Variants in PRKN observed in about 807,000 individuals in gnomAD.
PRKN encodes parkin RBR E3 ubiquitin protein ligase.
In PRKN, 56 loss-of-function variants were observed where a neutral mutation model predicts 59.5. The observed-to-expected ratio is 0.94, with a 90% CI of 0.76 to 1.18. The LOEUF is 1.18. PRKN is among the 50% of genes most tolerant of loss of function. The probability of loss-of-function intolerance (pLI) is 0.00; values close to 1 mark genes in which losing one functional copy is unlikely to be tolerated. For missense variants in PRKN, 657 were observed against 596.4 expected (o/e 1.10, Z -1.06); for synonymous variants, 250 against 222.1 (o/e 1.13, Z -1.12).
intron 1 of PRKN, among the ~76,000 whole-genome samples, chr6:162,700,441 G>A (rs1333778288): frequency 2.6e-5 from 4 of 152,098 alleles, no homozygotes; most frequent in African/African-American, 7.2e-5. Context: ...GTGAAGTAGC[G>A]AAGGCTTTGA....
At chr6:161,614,392 A>G (rs1485326015) in intron 7 of PRKN, among the ~76,000 whole-genome samples, 1 of 152,218 alleles carries the variant, frequency 6.6e-6, no homozygotes, top group Non-Finnish European at 1.5e-5. Flanking sequence ...CAACAACAAC[A>G]AAGAGAAACA....
chr6:162,186,215 A>C (rs2128324739), intron 4 of PRKN, among the ~76,000 whole-genome samples: 1 of 152,318 alleles, frequency 6.6e-6, no homozygotes, highest in South Asian at 2.1e-4. Flanking sequence ...GTTTCAATTA[A>C]AGCCAGATAC....
chr6:161,850,570 G>A (rs1421252327), intron 6 of PRKN, among the ~76,000 whole-genome samples: 3 of 77,564 alleles, frequency 3.9e-5, no homozygotes, highest in Non-Finnish European at 6.3e-5. Context: ...GCGAGACTAC[G>A]TCTCAAAAAA....
rs543711364 is a variant in PRKN, at chr6:161,410,782, G to A, written c.1084-23905C>T. ...TGCTCATGACAACGGCACGCCAAGG[G>A]GCTTGATGGCAGCAGCCTCAGGTAT... is the stretch of plus-strand genomic sequence containing the variant. On this transcript the variant is annotated intron_variant, in intron 9 of 11. Coordinates refer to ENST00000366898, the MANE Select transcript of PRKN (RefSeq NM_004562.3). The surrounding 1 kb of genome is among the most constrained non-coding windows in gnomAD (Gnocchi z 5.3). Among the ~76,000 whole-genome samples the A allele has an allele frequency of 2.6e-5, 4 of 152,226 alleles. No homozygotes were observed. The highest frequency in any genetic ancestry group is 3.9e-4 in the East Asian group (2 of 5,170).
At position 161,459,076 on chromosome 6, in the gene PRKN, G is replaced by A. The variant is rs933155755; in HGVS notation, c.1084-72199C>T. Among the ~76,000 whole-genome samples the A allele has an allele frequency of 1.3e-5, 2 of 152,204 alleles. No individual in the cohort carries two copies. The highest frequency in any genetic ancestry group is 4.8e-5 in the African/African-American group (2 of 41,460). ...CTACAAGCACTTCCTTCCTCAGAGA[G>A]TGTCTGCTGACAGCCAGGGCCTTGT... On this transcript the variant is annotated intron_variant, in intron 9 of 11. Coordinates refer to ENST00000366898, the MANE Select transcript of PRKN (RefSeq NM_004562.3). This position sits in a 1 kb window ranked among gnomAD's most constrained non-coding sequence, Gnocchi z 4.8.
At chr6:161,426,824 T>G (rs891043488) in intron 9 of PRKN, among the ~76,000 whole-genome samples, 4 of 152,168 alleles carry the variant, frequency 2.6e-5, no homozygotes, top group Non-Finnish European at 5.9e-5. Flanking sequence ...GTTCATGCCA[T>G]TCTCCTGCCT....
Position 162,208,439 on chromosome 6 carries a change from C to T in PRKN, c.413-7187G>A, listed in dbSNP as rs199745398. Among the ~76,000 whole-genome samples the T allele has an allele frequency of 5.9e-5, 9 of 152,158 alleles. No individual in the cohort carries two copies. The East Asian group carries it at 1.3e-3, about 23-fold the overall frequency. On this transcript the variant is annotated intron_variant, in intron 3 of 11. Transcript: ENST00000366898. ...AATTTTTGCTGGGGTTTTAAATTAACGTATCTGCACAATAATTTGACCTAC... is the reference window on the plus strand; with the variant it reads ...AATTTTTGCTGGGGTTTTAAATTAATGTATCTGCACAATAATTTGACCTAC...
chr6:162,442,985 A>G (rs1477941004), intron 2 of PRKN, among the ~76,000 whole-genome samples: 2 of 152,168 alleles, frequency 1.3e-5, no homozygotes, highest in African/African-American at 2.4e-5. Context: ...TTCAAATGGA[A>G]TAAGTAAGGT....
intron 2 of PRKN, among the ~76,000 whole-genome samples, chr6:162,430,469 G>T (rs1286916036): frequency 1.3e-5 from 2 of 152,154 alleles, no homozygotes; most frequent in African/African-American, 2.4e-5. Context: ...CTGAAAGATT[G>T]TTGGGAGCAG....
At chr6:161,798,911 C>A (rs1790964644) in intron 6 of PRKN, among the ~76,000 whole-genome samples, 1 of 152,124 alleles carries the variant, frequency 6.6e-6, no homozygotes. Flanking sequence ...GTGCTCGGGG[C>A]TCCCCCACAC....
intron 6 of PRKN, among the ~76,000 whole-genome samples, chr6:161,922,367 G>T (rs890902928): frequency 1.3e-5 from 2 of 152,046 alleles, no homozygotes; most frequent in Non-Finnish European, 2.9e-5. Flanking sequence ...AGGTTCCATT[G>T]TTTTGCCCTG....
chr6:162,017,816 G>A (rs1007281933), intron 5 of PRKN, among the ~76,000 whole-genome samples: 2 of 151,952 alleles, frequency 1.3e-5, no homozygotes, highest in East Asian at 1.9e-4. Context: ...GTCACTTAGC[G>A]TTTCTATTTC....
intron 4 of PRKN, among the ~76,000 whole-genome samples, chr6:162,081,312 T>G (rs1250038436): frequency 6.6e-6 from 1 of 152,134 alleles, no homozygotes; most frequent in East Asian, 1.9e-4. Flanking sequence ...TTTAGTGATC[T>G]ATGAGAGCTA....
chr6:161,546,183 A>C lies in PRKN; in HGVS notation c.1083+2671T>G, dbSNP rs565333872. Among the ~76,000 whole-genome samples, 1 of 152,200 alleles carries C rather than the reference A, an allele frequency of 6.6e-6. No homozygotes were observed. Among genetic ancestry groups the C allele is most frequent in the African/African-American group, 2.4e-5 (1 of 41,534 alleles). ...TAAATATTAAATAAATCTGCACTTA[A>C]CTCTGTGCCAGGAACTATTCTAAGT... On this transcript the variant is annotated intron_variant, in intron 9 of 11. Transcript: ENST00000366898. This position sits in a 1 kb window ranked among gnomAD's most constrained non-coding sequence, Gnocchi z 4.4.
chr6:161,884,652 A>C (rs1583297677), intron 6 of PRKN, among the ~76,000 whole-genome samples: 1 of 152,286 alleles, frequency 6.6e-6, no homozygotes, highest in Middle Eastern at 3.4e-3. Flanking sequence ...ATTTTGTTGA[A>C]ATAGTAAATC....
intron 5 of PRKN, among the ~76,000 whole-genome samples, chr6:162,039,577 G>A (rs967746166): frequency 6.6e-6 from 1 of 152,220 alleles, no homozygotes; most frequent in Non-Finnish European, 1.5e-5. Context: ...CTTCCACCAT[G>A]AGTGGCAGCG....
chr6:162,646,456 AT>A (rs1398101614), intron 1 of PRKN, among the ~76,000 whole-genome samples: 6 of 151,594 alleles, frequency 4.0e-5, no homozygotes, highest in African/African-American at 7.3e-5. Context: ...TATTATAAAA[AT>A]TTTTTTGTAG....
intron 7 of PRKN, among the ~76,000 whole-genome samples, chr6:161,721,645 C>T (rs1445569206): frequency 6.6e-6 from 1 of 152,226 alleles, no homozygotes; most frequent in Non-Finnish European, 1.5e-5. Flanking sequence ...CTGTTCAGGG[C>T]CCTCTTTGGT....
intron 9 of PRKN, among the ~76,000 whole-genome samples, chr6:161,452,432 A>G (rs1789779036): frequency 6.6e-6 from 1 of 152,202 alleles, no homozygotes; most frequent in South Asian, 2.1e-4. Context: ...AGCCTCAGTC[A>G]ATTACTCAAT....
Sources: gnomAD v4.1 joint callset for allele counts (sites outside exome capture counted in the v4.1 genomes callset) on GRCh38, gnomAD v4.1.1 for gene constraint, Gnocchi (gnomAD v3.1) non-coding constraint, MANE v1.5 for transcripts, NCBI Gene and HGNC (gene_info 2026-07-23, HGNC 2026-07-21) for gene names.